TEX14: variants seen among roughly 807,000 people sequenced by gnomAD.
The protein encoded by TEX14 is testis expressed 14, intercellular bridge forming factor, also known as inactive serine/threonine-protein kinase TEX14.
Under a neutral mutation model 178.6 loss-of-function variants are expected in TEX14, and 168 were observed. The observed-to-expected ratio is 0.94, with a 90% CI of 0.83 to 1.07. The LOEUF (loss-of-function observed/expected upper bound fraction) is 1.07. Among genes scored for constraint, TEX14 ranks in the 50% least tolerant of loss-of-function variants. The probability of loss-of-function intolerance (pLI) is 0.00; values close to 1 mark genes in which losing one functional copy is unlikely to be tolerated. For missense variants in TEX14, 1,730 were observed against 1,753.6 expected, an observed-to-expected ratio of 0.99 and a Z score of 0.24; for synonymous variants, 626 against 634.1, an observed-to-expected ratio of 0.99 and a Z score of 0.19.
chr17:58,574,817 TAAA>T (rs943102518), intron 21 of TEX14, among the ~76,000 whole-genome samples: 1 of 152,076 alleles, frequency 6.6e-6, no homozygotes, highest in Non-Finnish European at 1.5e-5. Context: ...TGAAATCAGT[TAAA>T]GACTCTATAC....
At chr17:58,646,417 G>A (rs1444647319) in intron 2 of TEX14, among the ~76,000 whole-genome samples, 4 of 152,062 alleles carry the variant, frequency 2.6e-5, no homozygotes, top group South Asian at 4.1e-4. Context: ...TGGTTTTCCC[G>A]TCAACTCATG....
chr17:58,688,584 T>C (rs1212181394), intron 1 of TEX14, among the ~76,000 whole-genome samples: 1 of 152,174 alleles, frequency 6.6e-6, no homozygotes, highest in Admixed American at 6.6e-5. Flanking sequence ...ACTGTATATG[T>C]GTTAATTTAA....
chr17:58,565,509 G>A (rs2044378077), intron 27 of TEX14, among the ~76,000 whole-genome samples: 3 of 152,148 alleles, frequency 2.0e-5, no homozygotes, highest in African/African-American at 4.8e-5. Context: ...CTTGTACATG[G>A]CTCTGTACAT....
intron 2 of TEX14, among the ~76,000 whole-genome samples, chr17:58,636,582 A>G (rs2046436915): frequency 6.6e-6 from 1 of 152,242 alleles, no homozygotes; most frequent in Non-Finnish European, 1.5e-5. Context: ...GTCACAAACC[A>G]GTCTGGTTCT....
At chr17:58,600,948 A>T (rs926732868) in intron 13 of TEX14, among the ~76,000 whole-genome samples, 5 of 152,152 alleles carry the variant, frequency 3.3e-5, no homozygotes, top group African/African-American at 1.2e-4. Context: ...TTTCAAATGT[A>T]CTAAAATGTA....
At chr17:58,674,398 A>G (rs929091067) in intron 1 of TEX14, among the ~76,000 whole-genome samples, 1 of 151,974 alleles carries the variant, frequency 6.6e-6, no homozygotes. Context: ...GGCCAGGCGC[A>G]GTGGCTCACG....
chr17:58,640,979 C>T (rs574872941), intron 2 of TEX14, among the ~76,000 whole-genome samples: 155 of 152,122 alleles, frequency 1.0e-3, no homozygotes, highest in Non-Finnish European at 1.9e-3. Context: ...CTCAACCTCC[C>T]AAAGTGCTGG....
chr17:58,669,733 C>CAGAAA (rs748047380), intron 1 of TEX14, among the ~76,000 whole-genome samples: 2 of 56,298 alleles, frequency 3.6e-5, no homozygotes, highest in Non-Finnish European at 7.0e-5. Flanking sequence ...GACTCCGTCT[C>CAGAAA]AAAAAAAAAA....
chr17:58,603,531 G>A (rs995001629), intron 11 of TEX14, among the ~76,000 whole-genome samples: 8 of 147,042 alleles, frequency 5.4e-5, no homozygotes, highest in Admixed American at 4.8e-4. Context: ...CTCCAGCCTG[G>A]GCAACAGAGT....
intron 1 of TEX14, among the ~76,000 whole-genome samples, chr17:58,662,445 A>G (rs2047133121): frequency 6.6e-6 from 1 of 151,858 alleles, no homozygotes; most frequent in Admixed American, 6.6e-5. Flanking sequence ...ACACACACAC[A>G]CACACACAGA....
intron 5 of TEX14, among the ~76,000 whole-genome samples, chr17:58,619,068 T>C (rs768970226): frequency 7.6e-4 from 116 of 152,358 alleles, no homozygotes; most frequent in Non-Finnish European, 8.5e-4. Context: ...GTGGACCGTT[T>C]CTTGCCCAGG....
intron 1 of TEX14, among the ~76,000 whole-genome samples, chr17:58,669,877 C>G (rs1250453625): frequency 3.3e-5 from 5 of 152,082 alleles, no homozygotes; most frequent in Non-Finnish European, 5.9e-5. Context: ...CTCCCTTGCC[C>G]AAAGCCCTTC....
At chr17:58,616,466 C>T in intron 6 of TEX14, 161 bp from the exon 7 acceptor site, 1 of 842,790 alleles carries the variant, frequency 1.2e-6, no homozygotes. Flanking sequence ...CAGGGTATCA[C>T]TGTCACTCAG....
Position 58,561,520 on chromosome 17 carries a change from C to T in TEX14, c.4157G>A (p.Arg1386Lys). ...ELQDLPKGSE[R>K]ETNIKDQKVG... Reference sequence around the variant, plus strand: ...GGATTCCCCTTTGGGGAACAATAACCTTTCAGAGCCCTTGGGAAGGTCTTG... The same window carrying T: ...GGATTCCCCTTTGGGGAACAATAACTTTTCAGAGCCCTTGGGAAGGTCTTG... Residue 1386 changes from arginine (R) to lysine (K), a missense_variant and splice_region_variant, in exon 29 of 32, where the codon AGG (arginine) becomes AAG (lysine). This residue lies in a region of TEX14 where 941 missense variants were observed against 1,072.4 expected (regional missense o/e 0.88). Coordinates refer to ENST00000349033, the MANE Select transcript of TEX14 (RefSeq NM_031272.5). 6 of 1,609,600 alleles carry T rather than the reference C, an allele frequency of 3.7e-6. No individual in the cohort carries two copies. The highest frequency in any genetic ancestry group is 5.1e-6 in the Non-Finnish European group (6 of 1,176,002).
At chr17:58,570,820 G>A (rs973599410) in intron 24 of TEX14, among the ~76,000 whole-genome samples, 4 of 151,712 alleles carry the variant, frequency 2.6e-5, no homozygotes, top group South Asian at 2.1e-4. Flanking sequence ...TAGTAGAGAC[G>A]GGGTTTCATC....
chr17:58,679,402 G>C (rs2047452622), intron 1 of TEX14: 2 of 151,628 alleles, frequency 1.3e-5, no homozygotes. Flanking sequence ...AAGCGTGTGT[G>C]GAGAAAAAAA....
At chr17:58,563,248 G>A (rs1184108894) in intron 28 of TEX14, among the ~76,000 whole-genome samples, 2 of 151,936 alleles carry the variant, frequency 1.3e-5, no homozygotes, top group African/African-American at 4.8e-5. Flanking sequence ...AGCTGAAGTA[G>A]TTTACCCTAC....
chr17:58,575,829 C>A (rs548880990), intron 21 of TEX14, among the ~76,000 whole-genome samples: 2 of 152,310 alleles, frequency 1.3e-5, no homozygotes, highest in South Asian at 2.1e-4. Flanking sequence ...TTGTTTTAAA[C>A]CACTAAAATT....
intron 22 of TEX14, among the ~76,000 whole-genome samples, chr17:58,573,663 C>T (rs555095790): frequency 1.3e-5 from 2 of 152,090 alleles, no homozygotes; most frequent in South Asian, 2.1e-4. Flanking sequence ...GGACTACAAG[C>T]GTGTGCCACC....
Sources: allele counts gnomAD v4.1 joint callset (sites outside exome capture counted in the v4.1 genomes callset), GRCh38; gene constraint gnomAD v4.1.1; regional missense constraint gnomAD v4.1.1; transcripts MANE v1.5; gene names NCBI Gene and HGNC (gene_info 2026-07-23, HGNC 2026-07-21).